The following RAG1 variants were observed in gnomAD, a reference collection of about 807,000 sequenced individuals.
RAG1 encodes recombination activating 1, also known as V(D)J recombination-activating protein 1.
RAG1 carries 35 observed loss-of-function variants against 62.7 expected under a neutral mutation model. The observed-to-expected ratio is 0.56, with a 90% CI of 0.43 to 0.74. The LOEUF (loss-of-function observed/expected upper bound fraction) is 0.74. RAG1 is among the 30% of genes least tolerant of loss of function. RAG1 has a pLI of 0.00. For missense variants in RAG1, 1,169 were observed against 1,278.6 expected, an observed-to-expected ratio of 0.91 and a Z score of 1.31; for synonymous variants, 461 against 470.3, an observed-to-expected ratio of 0.98 and a Z score of 0.26.
intron 2 of RAG1, among the ~76,000 whole-genome samples, chr11:36,523,681 T>C (rs994525636): frequency 2.6e-5 from 4 of 152,248 alleles, no homozygotes; most frequent in African/African-American, 9.6e-5. Flanking sequence ...TGGCTTGGGC[T>C]TCCATCCCGG....
rs748162851 is a variant in RAG1 at position 36,575,749 on chromosome 11, A to G, written c.2445A>G (p.Ile815Met). ...TCTACAAGATCTTCCAGCTAGAGAT[A>G]GGGGAAGTGTATAAGAATCCCAATG... ...AEFYKIFQLE[I>M]GEVYKNPNAS... The change falls in exon 2 of 2, where the codon ATA becomes ATG. Residue 815 changes from isoleucine (I) to methionine (M), a missense_variant. By Grantham distance (10) the Ile-to-Met change is conservative. This residue lies in a region of RAG1 where 800 missense variants were observed against 943.3 expected (regional missense o/e 0.85). Transcript: ENST00000299440. The surrounding 1 kb of genome is among the most constrained non-coding windows in gnomAD (Gnocchi z 4.1). 24 of 1,614,114 alleles carry G rather than the reference A, an allele frequency of 1.5e-5. No individual in the cohort carries two copies. The highest frequency in any genetic ancestry group is 3.3e-5 in the Admixed American group (2 of 60,010).
chr11:36,569,002 A>G (rs1850699499), intron 1 of RAG1, among the ~76,000 whole-genome samples: 1 of 152,228 alleles, frequency 6.6e-6, no homozygotes, highest in South Asian at 2.1e-4. Context: ...GAGAGGTCAC[A>G]CTTGAGCACA....
At chr11:36,550,269 T>TAAA (rs535767250) in intron 3 of RAG1, among the ~76,000 whole-genome samples, 1 of 151,622 alleles carries the variant, frequency 6.6e-6, no homozygotes, top group Non-Finnish European at 1.5e-5. Context: ...ATAATAATAA[T>TAAA]AAAAAAAGGT....
intron 3 of RAG1, among the ~76,000 whole-genome samples, chr11:36,558,385 A>G (rs1160323181): frequency 6.6e-6 from 1 of 152,194 alleles, no homozygotes; most frequent in Non-Finnish European, 1.5e-5. Context: ...GTTTCCACCT[A>G]TTACTGTATT....
chr11:36,522,890 C>A (rs1169731897), intron 2 of RAG1, among the ~76,000 whole-genome samples: 3 of 152,134 alleles, frequency 2.0e-5, no homozygotes, highest in Non-Finnish European at 4.4e-5. Flanking sequence ...TTTGCATGAG[C>A]CCTTTAGCTC....
At chr11:36,533,714 C>T (rs1860287481) in intron 2 of RAG1, among the ~76,000 whole-genome samples, 1 of 151,882 alleles carries the variant, frequency 6.6e-6, no homozygotes, top group Admixed American at 6.6e-5. Flanking sequence ...ATGGGGATGC[C>T]TCTATTCTTT....
upstream of RAG1, among the ~76,000 whole-genome samples, chr11:36,565,380 G>T (rs926122302): frequency 6.6e-6 from 1 of 152,150 alleles, no homozygotes; most frequent in African/African-American, 2.4e-5. Context: ...GGGGGTTGGG[G>T]CTTGGATGGA....
chr11:36,530,607 T>C lies in RAG1; in HGVS notation n.429-5352T>C, dbSNP rs368464731. On this transcript the variant is annotated intron_variant and non_coding_transcript_variant, in intron 2 of 2. Transcript: ENST00000529126. Reference sequence around the variant, plus strand: ...CACTGGTTACTTAGGAGTATGTTGTTTACTTTCAAAGTGTTTGGATATTTT... The same window carrying C: ...CACTGGTTACTTAGGAGTATGTTGTCTACTTTCAAAGTGTTTGGATATTTT... Among the ~76,000 whole-genome samples, 4 of 152,118 alleles carry C rather than the reference T, an allele frequency of 2.6e-5. No individual in the cohort carries two copies. The East Asian group carries it at 5.8e-4, about 22-fold the overall frequency.
At chr11:36,514,223 T>C (rs1243520622) in intron 1 of RAG1, among the ~76,000 whole-genome samples, 1 of 152,212 alleles carries the variant, frequency 6.6e-6, no homozygotes, top group African/African-American at 2.4e-5. Flanking sequence ...AGATGACATC[T>C]TGACTGCAAT....
rs886048257 is a variant in RAG1, at chr11:36,576,780, G to A, written c.*344G>A. On this transcript the variant is annotated 3_prime_UTR_variant, in exon 2 of 2. Transcript: ENST00000299440. ...AGCCAAGGTTGTCAAAGAACAGCCA[G>A]TGAGGCCAGGAAAGAAATTGGTCTT... 2 of 290,082 alleles carry A rather than the reference G, an allele frequency of 6.9e-6. No individual in the cohort carries two copies. Among genetic ancestry groups the A allele is most frequent in the Non-Finnish European group, 6.9e-6 (1 of 144,996 alleles). 18.0% of individuals were successfully genotyped at this position (290,082 alleles called of 1,614,324 possible).
chr11:36,538,646 G>A (rs983035115), downstream of RAG1, among the ~76,000 whole-genome samples: 6 of 152,130 alleles, frequency 3.9e-5, no homozygotes, highest in South Asian at 2.1e-4. Context: ...GTTTTCGAGC[G>A]GTTTTTTGAG....
intron 2 of RAG1, among the ~76,000 whole-genome samples, chr11:36,528,382 C>T (rs144793977): frequency 2.0e-3 from 302 of 152,246 alleles, no homozygotes; most frequent in African/African-American, 6.5e-3. Context: ...ACCACCTGCT[C>T]CTGAATGACT....
At chr11:36,525,971 A>G (rs1286378279) in intron 2 of RAG1, among the ~76,000 whole-genome samples, 2 of 152,188 alleles carry the variant, frequency 1.3e-5, no homozygotes, top group Admixed American at 6.5e-5. Flanking sequence ...TTTTCTTGTC[A>G]GAGTTGTTAG....
At chr11:36,534,245 C>T (rs12284282) in intron 2 of RAG1, among the ~76,000 whole-genome samples, 4,120 of 152,046 alleles carry the variant, frequency 0.027, 189 homozygotes, top group African/African-American at 0.094. Flanking sequence ...GTTTCATTAC[C>T]AAATAATTTT....
At chr11:36,550,277 G>A (rs1027055007) in intron 3 of RAG1, among the ~76,000 whole-genome samples, 1 of 151,250 alleles carries the variant, frequency 6.6e-6, no homozygotes, top group Non-Finnish European at 1.5e-5. Flanking sequence ...AATAAAAAAA[G>A]GTTTTTGGTT....
At chr11:36,512,666 A>G (rs1432883303) in intron 1 of RAG1, among the ~76,000 whole-genome samples, 1 of 152,228 alleles carries the variant, frequency 6.6e-6, no homozygotes, top group Non-Finnish European at 1.5e-5. Context: ...AGGAAGTCCT[A>G]CGCAGATGGA....
intron 1 of RAG1, among the ~76,000 whole-genome samples, chr11:36,518,145 C>T (rs946269165): frequency 1.3e-5 from 2 of 151,804 alleles, no homozygotes; most frequent in Non-Finnish European, 2.9e-5. Context: ...CAGTTTCATC[C>T]ATTTCCCTAC....
At chr11:36,521,251 G>C (rs895308652) in intron 2 of RAG1, among the ~76,000 whole-genome samples, 1 of 151,990 alleles carries the variant, frequency 6.6e-6, no homozygotes, top group Non-Finnish European at 1.5e-5. Context: ...GAGCCACTGC[G>C]CCTGGCCCAA....
chr11:36,533,822 G>A (rs74915746), intron 2 of RAG1, among the ~76,000 whole-genome samples: 1,746 of 151,980 alleles, frequency 0.011, 17 homozygotes, highest in East Asian at 0.03. Flanking sequence ...TAAGGTGATC[G>A]TATGTATGAT....
Sources: allele counts gnomAD v4.1 joint callset (sites outside exome capture counted in the v4.1 genomes callset), GRCh38; gene constraint gnomAD v4.1.1; regional missense constraint gnomAD v4.1.1; non-coding constraint Gnocchi (gnomAD v3.1); transcripts MANE v1.5; gene names NCBI Gene and HGNC (gene_info 2026-07-23, HGNC 2026-07-21).